Variants in ARHGAP22 observed in about 807,000 individuals in gnomAD.
The protein encoded by ARHGAP22 is rho GTPase-activating protein 22.
Under a neutral mutation model 59.1 loss-of-function variants are expected in ARHGAP22, and 48 were observed. That is an observed-to-expected ratio of 0.81 (90% CI 0.64 to 1.03). The LOEUF (loss-of-function observed/expected upper bound fraction) is 1.03, where lower values mean the gene tolerates loss of function less well. ARHGAP22 is among the 50% of genes least tolerant of loss of function. ARHGAP22 has a pLI of 0.00. For missense variants in ARHGAP22, 1,015 were observed against 958.7 expected (o/e 1.06, Z -0.78); for synonymous variants, 445 against 416.4 (o/e 1.07, Z -0.84).
chr10:48,655,256 T>TGGGG (rs1230624457), upstream of ARHGAP22, among the ~76,000 whole-genome samples: 2 of 9,918 alleles, frequency 2.0e-4, no homozygotes, highest in Non-Finnish European at 4.7e-4. Context: ...TGTGTGTGTG[T>TGGGG]GGGGGGGGGG....
chr10:48,573,867 ATAT>A (rs968770024), intron 2 of ARHGAP22, among the ~76,000 whole-genome samples: 55 of 152,236 alleles, frequency 3.6e-4, no homozygotes, highest in Non-Finnish European at 4.4e-5. Context: ...CTGGTTCCAA[ATAT>A]TATGGTTTTT....
At chr10:48,583,366 C>G (rs563904133) in intron 1 of ARHGAP22, among the ~76,000 whole-genome samples, 2 of 152,326 alleles carry the variant, frequency 1.3e-5, no homozygotes, top group Admixed American at 6.5e-5. Context: ...GGTAGGGGTA[C>G]AGCCTGCCCA....
At chr10:48,487,469 GA>G (rs1470205229) in intron 3 of ARHGAP22, among the ~76,000 whole-genome samples, 1 of 152,168 alleles carries the variant, frequency 6.6e-6, no homozygotes, top group Non-Finnish European at 1.5e-5. Context: ...AAGTGGAGGG[GA>G]AGACAGAAGA....
chr10:48,612,380 A>G (rs2060929741), intron 1 of ARHGAP22, among the ~76,000 whole-genome samples: 1 of 152,188 alleles, frequency 6.6e-6, no homozygotes, highest in Non-Finnish European at 1.5e-5. Flanking sequence ...TCTGGCAGGC[A>G]GTTGGATGTG....
chr10:48,584,151 G>A (rs1279141820), intron 1 of ARHGAP22, among the ~76,000 whole-genome samples: 1 of 152,238 alleles, frequency 6.6e-6, no homozygotes, highest in Admixed American at 6.5e-5. Flanking sequence ...AATCACACCT[G>A]TAATTCTTAG....
intron 1 of ARHGAP22, chr10:48,623,995 C>A (rs540826079): frequency 6.6e-6 from 1 of 152,390 alleles, no homozygotes; most frequent in East Asian, 1.9e-4. Flanking sequence ...TCAGCCTCTG[C>A]AGTCACACTT....
chr10:48,546,741 A>G (rs1590088318), intron 3 of ARHGAP22: 1 of 153,308 alleles, frequency 6.5e-6, no homozygotes, highest in Non-Finnish European at 1.5e-5. Context: ...AAAGTGTCTC[A>G]GTCAGGGACA....
At chr10:48,581,236 T>A (rs184693099) in intron 2 of ARHGAP22, among the ~76,000 whole-genome samples, 1 of 152,314 alleles carries the variant, frequency 6.6e-6, no homozygotes, top group Admixed American at 6.5e-5. Context: ...TCCAAATCCT[T>A]CATTTGCATA....
chr10:48,636,113 G>A (rs939982650), intron 1 of ARHGAP22, among the ~76,000 whole-genome samples: 1 of 152,206 alleles, frequency 6.6e-6, no homozygotes, highest in Non-Finnish European at 1.5e-5. Context: ...TCATTTCCCA[G>A]GGGTCCTGTG....
chr10:48,589,541 T>A (rs2059628385), intron 1 of ARHGAP22, among the ~76,000 whole-genome samples: 1 of 152,126 alleles, frequency 6.6e-6, no homozygotes, highest in African/African-American at 2.4e-5. Context: ...AAATTCAACA[T>A]GTCTCTCCCC....
intron 1 of ARHGAP22, among the ~76,000 whole-genome samples, chr10:48,594,485 C>A (rs1022140888): frequency 6.6e-6 from 1 of 152,256 alleles, no homozygotes; most frequent in Admixed American, 6.5e-5. Flanking sequence ...ACATTGCTCT[C>A]TGAGATCATA....
At chr10:48,622,295 T>A (rs1242623536) in intron 1 of ARHGAP22, among the ~76,000 whole-genome samples, 3 of 152,202 alleles carry the variant, frequency 2.0e-5, no homozygotes, top group Admixed American at 6.5e-5. Flanking sequence ...TCTTTTACTG[T>A]ATATTTTTGG....
intron 3 of ARHGAP22, among the ~76,000 whole-genome samples, chr10:48,480,598 G>A (rs1463868815): frequency 6.6e-6 from 1 of 152,208 alleles, no homozygotes; most frequent in African/African-American, 2.4e-5. Context: ...CTTTGCTGGA[G>A]CCTGTGACCC....
rs2133477794 is a variant in ARHGAP22, at chr10:48,446,271, A to T, written c.*120T>A. 9.6e-7 allele frequency: 1 copy of T among 1,045,048 alleles called. No homozygotes were observed. Among genetic ancestry groups the T allele is most frequent in the Non-Finnish European group, 1.4e-6 (1 of 718,230 alleles). The allele number at this position is 1,045,048 out of a possible 1,614,324, so 64.7% of individuals were successfully genotyped here. On this transcript the variant is annotated 3_prime_UTR_variant, in exon 10 of 10. Transcript: ENST00000249601. ...CCACAGTCCCCACAGAGGTATCAGGATCTCTCTCTCTCCAGCTGGCTCCAG... is the reference window on the plus strand; with the variant it reads ...CCACAGTCCCCACAGAGGTATCAGGTTCTCTCTCTCTCCAGCTGGCTCCAG...
chr10:48,569,365 G>A (rs1047205526), intron 2 of ARHGAP22, among the ~76,000 whole-genome samples: 1 of 152,206 alleles, frequency 6.6e-6, no homozygotes, highest in Non-Finnish European at 1.5e-5. Context: ...TGTACCCATC[G>A]TCCTCGGCAG....
upstream of ARHGAP22, among the ~76,000 whole-genome samples, chr10:48,654,025 C>G (rs1019155934): frequency 2.0e-5 from 3 of 152,304 alleles, no homozygotes; most frequent in African/African-American, 7.2e-5. Flanking sequence ...TATCCATTTT[C>G]TCTTTGATCA....
At chr10:48,549,526 G>A (rs925652084) in intron 3 of ARHGAP22, among the ~76,000 whole-genome samples, 30 of 152,058 alleles carry the variant, frequency 2.0e-4, no homozygotes, top group African/African-American at 7.2e-4. Flanking sequence ...CCTCTTTCCC[G>A]ACCCTGTCCA....
chr10:48,484,996 C>T (rs184707911), intron 3 of ARHGAP22, among the ~76,000 whole-genome samples: 1 of 152,274 alleles, frequency 6.6e-6, no homozygotes, highest in East Asian at 1.9e-4. Flanking sequence ...GTTTTTAGGC[C>T]ATATAGTCTC....
At chr10:48,598,172 G>T (rs1223201588) in intron 1 of ARHGAP22, among the ~76,000 whole-genome samples, 1 of 152,256 alleles carries the variant, frequency 6.6e-6, no homozygotes. Flanking sequence ...TCTTCCGTGG[G>T]AAGAGAAACT....
Sources: allele counts gnomAD v4.1 joint callset (sites outside exome capture counted in the v4.1 genomes callset), GRCh38; gene constraint gnomAD v4.1.1; transcripts MANE v1.5; gene names NCBI Gene and HGNC (gene_info 2026-07-23, HGNC 2026-07-21).